Variants in DHCR7 observed in about 807,000 individuals in gnomAD.
DHCR7 encodes 7-dehydrocholesterol reductase.
In DHCR7, 40 loss-of-function variants were observed where a neutral mutation model predicts 43.3. The ratio of observed to expected loss-of-function variants is 0.92; its 90% confidence interval spans 0.72 to 1.20. DHCR7 has a LOEUF of 1.20. DHCR7 is among the 50% of genes most tolerant of loss of function. The probability of loss-of-function intolerance (pLI) is 0.00; values close to 1 mark genes in which losing one functional copy is unlikely to be tolerated. For synonymous variants in DHCR7, 298 were observed against 271.4 expected, an observed-to-expected ratio of 1.10 and a Z score of -0.96; for missense variants, 608 against 644.6, an observed-to-expected ratio of 0.94 and a Z score of 0.62.
intron 5 of DHCR7, among the ~76,000 whole-genome samples, chr11:71,441,648 G>A (rs1370526551): frequency 2.0e-5 from 3 of 152,316 alleles, no homozygotes; most frequent in Non-Finnish European, 2.9e-5. Flanking sequence ...AGGGGAGGCT[G>A]AGTCCATCCT....
At chr11:71,438,458 T>A (rs991130953) in intron 7 of DHCR7, among the ~76,000 whole-genome samples, 3 of 152,188 alleles carry the variant, frequency 2.0e-5, no homozygotes, top group Non-Finnish European at 4.4e-5. Flanking sequence ...CAGCCTCACC[T>A]GGCTCTGAGC....
At chr11:71,444,321 AC>A in intron 3 of DHCR7, 106 bp from the exon 4 acceptor site, 1 of 918,464 alleles carries the variant, frequency 1.1e-6, no homozygotes, top group Non-Finnish European at 1.7e-6. Flanking sequence ...ACCCACCAGT[AC>A]CCCATGACAG....
In DHCR7 at chr11:71,444,753, TA is replaced by T. The variant is rs979513240; in HGVS notation, c.98+101del. The T allele has an allele frequency of 5.7e-6, 6 of 1,052,290 alleles. No homozygotes were observed. The African/African-American group carries it at 8.0e-5, about 14-fold the overall frequency. 65.2% of individuals were successfully genotyped at this position (1,052,290 alleles called of 1,614,324 possible). ...TTGACAAAAAAAAAAAAATCTTTTT[TA>T]AAAAGGTCCTTCATTCCTTTGGGTC... On this transcript the variant is annotated intron_variant, in intron 3 of 8. Transcript: ENST00000355527.
chr11:71,431,589 C>T (rs568868496), downstream of DHCR7, among the ~76,000 whole-genome samples: 15 of 152,310 alleles, frequency 9.8e-5, 1 homozygote, highest in East Asian at 2.5e-3. Context: ...TCCTCCTCCT[C>T]CTTGGCCTGC....
downstream of DHCR7, among the ~76,000 whole-genome samples, chr11:71,431,377 G>C (rs145563108): frequency 6.6e-6 from 1 of 152,186 alleles, no homozygotes; most frequent in African/African-American, 2.4e-5. Flanking sequence ...GGGCTTCACC[G>C]GGGATCCACC....
downstream of DHCR7, among the ~76,000 whole-genome samples, chr11:71,434,012 G>C (rs888909056): frequency 1.3e-5 from 2 of 152,366 alleles, no homozygotes; most frequent in Admixed American, 6.5e-5. Context: ...AAGCAATGAA[G>C]CCACTCTGAG....
downstream of DHCR7, chr11:71,428,043 C>T (rs1275340567): frequency 6.6e-6 from 1 of 152,212 alleles, no homozygotes; most frequent in Admixed American, 6.5e-5. Context: ...ACTCAAGGGC[C>T]TACCTTGCAG....
intron 2 of DHCR7, 129 bp from the exon 3 acceptor site, chr11:71,445,087 C>T: frequency 1.3e-6 from 1 of 752,282 alleles, no homozygotes; most frequent in Admixed American, 2.0e-5. Context: ...GTACCTTGTT[C>T]CTGACAGCAG....
At chr11:71,440,878 G>A (rs1591111096) in intron 6 of DHCR7, among the ~76,000 whole-genome samples, 1 of 152,130 alleles carries the variant, frequency 6.6e-6, no homozygotes, top group South Asian at 2.1e-4. Flanking sequence ...TCTTCACTAA[G>A]GTTGTTTTGG....
downstream of DHCR7, among the ~76,000 whole-genome samples, chr11:71,430,502 G>GGTGGTGTT (rs1270111474): frequency 2.6e-5 from 4 of 151,874 alleles, no homozygotes; most frequent in Non-Finnish European, 5.9e-5. Flanking sequence ...ATTTGTGGGT[G>GGTGGTGTT]GTGGTGTGTT....
At chr11:71,429,311 C>T (rs1241417949) in intron 2 of DHCR7, among the ~76,000 whole-genome samples, 1 of 152,160 alleles carries the variant, frequency 6.6e-6, no homozygotes, top group East Asian at 1.9e-4. Flanking sequence ...TTATTCTGAG[C>T]AACATGAGAA....
Position 71,434,772 on chromosome 11 carries a change from G to C in DHCR7, c.*603C>G, listed in dbSNP as rs1156239013. The C allele has an allele frequency of 3.4e-6, 1 of 290,696 alleles. No individual in the cohort carries two copies. Among genetic ancestry groups the C allele is most frequent in the Non-Finnish European group, 6.8e-6 (1 of 148,148 alleles). 18.0% of individuals were successfully genotyped at this position (290,696 alleles called of 1,614,324 possible). ...CTGAGGTCTGCAGACTCCAGGCAGA[G>C]CACTCCTGGCAGCTGTGCAGCAGGA... On this transcript the variant is annotated 3_prime_UTR_variant, in exon 9 of 9. Transcript: ENST00000355527.
At chr11:71,430,798 C>G (rs1394551242), downstream of DHCR7, among the ~76,000 whole-genome samples, 1 of 152,198 alleles carries the variant, frequency 6.6e-6, no homozygotes, top group Non-Finnish European at 1.5e-5. Flanking sequence ...CTGAATGAGT[C>G]TGGAGTCTTT....
At position 71,447,638 on chromosome 11, in the gene DHCR7, G is replaced by A. The variant is rs75974711; in HGVS notation, c.-35C>T. On this transcript the variant is annotated 5_prime_UTR_variant, in exon 2 of 9. Coordinates refer to ENST00000355527, the MANE Select transcript of DHCR7 (RefSeq NM_001360.3). Reference sequence around the variant, plus strand: ...CAGCCTCTTGCCAAATAGTTTCACAGCAGAAGGGAACTTTTCCTTCTTGAA... The same window carrying A: ...CAGCCTCTTGCCAAATAGTTTCACAACAGAAGGGAACTTTTCCTTCTTGAA... 3,928 of 152,344 alleles carry A rather than the reference G, an allele frequency of 0.026. 162 individuals carry two copies. Among genetic ancestry groups the A allele is most frequent in the African/African-American group, 0.088 (3,639 of 41,544 alleles). 9.4% of individuals were successfully genotyped at this position (152,344 alleles called of 1,614,324 possible).
chr11:71,437,481 C>A (rs367583513), intron 8 of DHCR7, among the ~76,000 whole-genome samples: 1 of 152,160 alleles, frequency 6.6e-6, no homozygotes, highest in African/African-American at 2.4e-5. Context: ...ACTCCCAGGG[C>A]AGCCCTGCCC....
At chr11:71,427,309 T>A (rs1349910302), downstream of DHCR7, among the ~76,000 whole-genome samples, 1 of 152,204 alleles carries the variant, frequency 6.6e-6, no homozygotes, top group Non-Finnish European at 1.5e-5. Context: ...ACCCATTTAT[T>A]TATTTAGCTC....
Position 71,441,389 on chromosome 11 carries a change from T to C in DHCR7, c.464A>G (p.His155Arg). 1.1e-5 allele frequency: 17 copies of C among 1,614,136 alleles called. No individual in the cohort carries two copies. Among genetic ancestry groups the C allele is most frequent in the East Asian group, 2.2e-5 (1 of 44,874 alleles). The part of the protein sequence containing the change: ...INGLQAWLLT[H>R]LLWFANAHLL... ...ATGAGCGTTTGCAAACCAGAGCAGG[T>C]GCGTGAGGAGCCAGGCTTGCAGGCC... is the stretch of plus-strand genomic sequence containing the variant. The change falls in exon 6 of 9, where the codon CAC (histidine) becomes CGC (arginine). Residue 155 changes from histidine to arginine, a missense_variant. Coordinates refer to ENST00000355527, the MANE Select transcript of DHCR7 (RefSeq NM_001360.3).
chr11:71,431,068 T>A (rs1029925480), downstream of DHCR7, among the ~76,000 whole-genome samples: 4 of 152,166 alleles, frequency 2.6e-5, no homozygotes, highest in Admixed American at 2.6e-4. Flanking sequence ...GGCAGGAGAA[T>A]GGCTTGAACC....
chr11:71,438,631 G>T (rs1048967731), intron 7 of DHCR7: 11 of 581,094 alleles, frequency 1.9e-5, no homozygotes, highest in African/African-American at 1.9e-4. Context: ...CCCCAAGGGA[G>T]ACCTTCCTGG....
Sources: allele counts gnomAD v4.1 joint callset (sites outside exome capture counted in the v4.1 genomes callset), GRCh38; gene constraint gnomAD v4.1.1; transcripts MANE v1.5; gene names NCBI Gene and HGNC (gene_info 2026-07-23, HGNC 2026-07-21).